The following TRAPPC8 variants were observed in gnomAD, a reference collection of about 807,000 sequenced individuals.
The protein encoded by TRAPPC8 is general sporulation gene 1 homolog.
In TRAPPC8, 54 loss-of-function variants were observed where a neutral mutation model predicts 174.3. The observed-to-expected ratio is 0.31, with a 90% CI of 0.25 to 0.39. The LOEUF (loss-of-function observed/expected upper bound fraction) is 0.39, where lower values mean the gene tolerates loss of function less well. Ranked by LOEUF, TRAPPC8 falls within the 10% of genes least tolerant of loss-of-function variation. The pLI is 1.00. For missense variants in TRAPPC8, 1,531 were observed against 1,699.1 expected (o/e 0.90, Z 1.74); for synonymous variants, 630 against 579.9 (o/e 1.09, Z -1.24).
rs1043041964 is a variant in TRAPPC8 at position 31,943,046 on chromosome 18, C to T, written c.-282G>A. 17 of 534,494 alleles carry T rather than the reference C, an allele frequency of 3.2e-5. No homozygotes were observed. The highest frequency in any genetic ancestry group is 3.9e-5 in the African/African-American group (2 of 51,036). The allele number at this position is 534,494 out of a possible 1,614,324, so 33.1% of individuals were successfully genotyped here. On this transcript the variant is annotated 5_prime_UTR_variant, in exon 1 of 29. Transcript: ENST00000283351. ...GAGACGCCGACAGTCACCACTTAGT[C>T]CTTCGGACGGCAAAACCTTGGTCAC... is the stretch of plus-strand genomic sequence containing the variant.
At chr18:31,857,191 G>A (rs939923663) in intron 20 of TRAPPC8, among the ~76,000 whole-genome samples, 1 of 152,104 alleles carries the variant, frequency 6.6e-6, no homozygotes, top group Non-Finnish European at 1.5e-5. Context: ...TGACTGAGAC[G>A]ACCAGGCAGG....
intron 12 of TRAPPC8, among the ~76,000 whole-genome samples, chr18:31,889,973 A>T (rs1417312707): frequency 6.6e-6 from 1 of 152,238 alleles, no homozygotes; most frequent in Non-Finnish European, 1.5e-5. Context: ...TTTCATACTT[A>T]GTAAATTCAT....
intron 9 of TRAPPC8, among the ~76,000 whole-genome samples, chr18:31,901,886 G>C (rs886985583): frequency 6.6e-6 from 1 of 152,202 alleles, no homozygotes; most frequent in Admixed American, 6.5e-5. Context: ...TGTTTGGTCA[G>C]GCCTAGTGGT....
intron 2 of TRAPPC8, among the ~76,000 whole-genome samples, chr18:31,919,643 G>A (rs550888281): frequency 6.6e-6 from 1 of 151,428 alleles, no homozygotes; most frequent in African/African-American, 2.4e-5. Context: ...GACTGCTTGA[G>A]CCCAGGAGTT....
chr18:31,943,011 C>A lies in TRAPPC8; in HGVS notation c.-247G>T. On this transcript the variant is annotated 5_prime_UTR_variant, in exon 1 of 29. Coordinates refer to ENST00000283351, the MANE Select transcript of TRAPPC8 (RefSeq NM_014939.5). ...CGTCCCCGCGTGCTCGCATTCCACC[C>A]CGATAGGTGGAGACGCCGACAGTCA... 1.4e-6 allele frequency: 1 copy of A among 709,338 alleles called. No individual in the cohort carries two copies. The highest frequency in any genetic ancestry group is 2.0e-6 in the Non-Finnish European group (1 of 508,664). 43.9% of individuals were successfully genotyped at this position (709,338 alleles called of 1,614,324 possible).
chr18:31,873,314 G>A lies in TRAPPC8; in HGVS notation c.2062+116C>T, dbSNP rs550084182. 62 of 861,072 alleles carry A rather than the reference G, an allele frequency of 7.2e-5. No individual in the cohort carries two copies. In the South Asian group the frequency reaches 7.5e-4, roughly 10 times the overall value. The allele number at this position is 861,072 out of a possible 1,614,324, so 53.3% of individuals were successfully genotyped here. A position where few individuals can be genotyped will look rare whatever the true frequency, so the allele number is the denominator to read the frequency against. On this transcript the variant is annotated intron_variant, in intron 14 of 28. Coordinates refer to ENST00000283351, the MANE Select transcript of TRAPPC8 (RefSeq NM_014939.5). ...TTACAGGCATGAGCCAATCGTACCCGGCTGAGCTATTAATTTTCAAATATT... is the reference window on the plus strand; with the variant it reads ...TTACAGGCATGAGCCAATCGTACCCAGCTGAGCTATTAATTTTCAAATATT...
At chr18:31,852,835 T>A (rs2033783803) in intron 22 of TRAPPC8, 172 bp from the exon 23 acceptor site, 2 of 609,196 alleles carry the variant, frequency 3.3e-6, no homozygotes, top group Non-Finnish European at 5.7e-6. Flanking sequence ...TTAAAAAGGA[T>A]AAATTTCAAT....
intron 27 of TRAPPC8, among the ~76,000 whole-genome samples, chr18:31,833,074 G>A (rs2032473883): frequency 6.6e-6 from 1 of 152,184 alleles, no homozygotes; most frequent in Non-Finnish European, 1.5e-5. Context: ...ATACCAGGTT[G>A]TACTGGTGCT....
intron 11 of TRAPPC8, 56 bp from the exon 12 acceptor site, chr18:31,890,922 ATAAC>A: frequency 2.0e-6 from 3 of 1,510,660 alleles, no homozygotes; most frequent in Non-Finnish European, 2.7e-6. Context: ...AAGTAAATAG[ATAAC>A]TAGTGAAAAA....
chr18:31,906,727 G>A (rs904472496), intron 9 of TRAPPC8, among the ~76,000 whole-genome samples: 2 of 152,138 alleles, frequency 1.3e-5, no homozygotes, highest in Non-Finnish European at 2.9e-5. Flanking sequence ...GGAAATACCT[G>A]GCTTTGTAAT....
chr18:31,839,773 AAAG>A (rs2032986039), intron 26 of TRAPPC8, among the ~76,000 whole-genome samples: 1 of 152,218 alleles, frequency 6.6e-6, no homozygotes, highest in African/African-American at 2.4e-5. Flanking sequence ...TCATATGTAA[AAAG>A]AAGTTCATGA....
chr18:31,862,831 G>A (rs368926983), intron 19 of TRAPPC8, among the ~76,000 whole-genome samples: 24 of 152,104 alleles, frequency 1.6e-4, no homozygotes, highest in South Asian at 1.5e-3. Context: ...CGAGGTGGGC[G>A]GATCAGGAGG....
intron 27 of TRAPPC8, among the ~76,000 whole-genome samples, chr18:31,834,737 T>C (rs186726754): frequency 1.7e-3 from 261 of 152,322 alleles, no homozygotes; most frequent in Non-Finnish European, 2.9e-3. Flanking sequence ...CAGCTAAACA[T>C]AGTATGATTT....
Position 31,829,334 on chromosome 18 carries a change from G to C in TRAPPC8, c.*1421C>G, listed in dbSNP as rs941287375. The C allele has an allele frequency of 1.3e-5, 2 of 152,170 alleles. No homozygotes were observed. The highest frequency in any genetic ancestry group is 6.5e-5 in the Admixed American group (1 of 15,268). 9.4% of individuals were successfully genotyped at this position (152,170 alleles called of 1,614,324 possible). A position where few individuals can be genotyped will look rare whatever the true frequency, so the allele number is the denominator to read the frequency against. ...TGGTTTAAATATGAGATACCACTGTGATTATGCCTCCTCATTCTTGTCTTT... is the reference window on the plus strand; with the variant it reads ...TGGTTTAAATATGAGATACCACTGTCATTATGCCTCCTCATTCTTGTCTTT... On this transcript the variant is annotated 3_prime_UTR_variant, in exon 29 of 29. Coordinates refer to ENST00000283351, the MANE Select transcript of TRAPPC8 (RefSeq NM_014939.5).
At chr18:31,862,048 A>G (rs1169439373) in intron 19 of TRAPPC8, among the ~76,000 whole-genome samples, 1 of 152,024 alleles carries the variant, frequency 6.6e-6, no homozygotes, top group African/African-American at 2.4e-5. Context: ...GACCACACAG[A>G]TCAGAATCTT....
At chr18:31,903,721 A>AGG (rs2036542322) in intron 9 of TRAPPC8, among the ~76,000 whole-genome samples, 1 of 152,114 alleles carries the variant, frequency 6.6e-6, no homozygotes, top group Non-Finnish European at 1.5e-5. Context: ...CCTAGATCAT[A>AGG]TTTCATTTTA....
At chr18:31,864,262 A>C (rs2034480709) in intron 19 of TRAPPC8, among the ~76,000 whole-genome samples, 3 of 151,824 alleles carry the variant, frequency 2.0e-5, no homozygotes, top group Non-Finnish European at 4.4e-5. Flanking sequence ...AAGGTGAAAT[A>C]CTGCTTTTTA....
intron 6 of TRAPPC8, 123 bp downstream of exon 6, chr18:31,909,544 C>A: frequency 7.1e-7 from 1 of 1,404,238 alleles, no homozygotes; most frequent in Non-Finnish European, 9.2e-7. Context: ...AAAAACTAAC[C>A]TGCCCAATAT....
intron 21 of TRAPPC8, among the ~76,000 whole-genome samples, chr18:31,854,935 C>T (rs1400493545): frequency 8.2e-6 from 1 of 122,106 alleles, no homozygotes; most frequent in Non-Finnish European, 1.6e-5. Flanking sequence ...CACTGCACTC[C>T]AGTCTGGGCG....
Sources: allele counts gnomAD v4.1 joint callset (sites outside exome capture counted in the v4.1 genomes callset), GRCh38; gene constraint gnomAD v4.1.1; transcripts MANE v1.5; gene names NCBI Gene and HGNC (gene_info 2026-07-23, HGNC 2026-07-21).